The following C16orf46 variants were observed in gnomAD, a reference collection of about 807,000 sequenced individuals.
C16orf46 encodes uncharacterized protein C16orf46.
A neutral mutation model predicts 5.5 loss-of-function variants in C16orf46; 7 were observed. The observed-to-expected ratio is 1.28, with a 90% CI of 0.73 to 2.40. The LOEUF is 2.40. Ranked by LOEUF, C16orf46 falls within the 30% of genes most tolerant of loss-of-function variation. C16orf46 has a pLI of 0.00. For missense variants in C16orf46, 614 were observed against 476.0 expected, an observed-to-expected ratio of 1.29 and a Z score of -2.70; for synonymous variants, 200 against 184.1, an observed-to-expected ratio of 1.09 and a Z score of -0.70.
At chr16:81,053,999 G>T (rs538187954) in exon 4 of C16orf46, 91 of 1,486,512 alleles carry the variant, frequency 6.1e-5, no homozygotes, top group Admixed American at 1.0e-4. Context: ...TGTCCTGGGT[G>T]AAATATTTGC....
At chr16:81,068,407 T>C (rs1971722553) in intron 1 of C16orf46, among the ~76,000 whole-genome samples, 1 of 152,192 alleles carries the variant, frequency 6.6e-6, no homozygotes, top group South Asian at 2.1e-4. Context: ...TATTTACAAA[T>C]AAGTAACACT....
chr16:81,074,148 A>T (rs1971948285), intron 1 of C16orf46, among the ~76,000 whole-genome samples: 1 of 152,172 alleles, frequency 6.6e-6, no homozygotes, highest in African/African-American at 2.4e-5. Flanking sequence ...TCAAATGCAA[A>T]TCTGAAAACA....
Position 81,061,305 on chromosome 16 carries a change from C to T in C16orf46, c.1044G>A (p.Val348=). Residue 348 remains valine, a synonymous_variant, in exon 4 of 4, where the codon GTG becomes GTA. Transcript: ENST00000299578. The part of the protein sequence containing the change: ...KFKAKEPRSP[V]ITRKHVLPKA... The stretch of plus-strand genomic sequence containing the variant: ...TTGGGAGAACATGCTTTCGGGTGAT[C>T]ACAGGAGATCTTGGCTCCTTGGCTT... The T allele has an allele frequency of 6.2e-7, 1 of 1,614,106 alleles. No individual in the cohort carries two copies.
At chr16:81,073,697 G>C (rs140466455) in intron 1 of C16orf46, among the ~76,000 whole-genome samples, 3 of 152,212 alleles carry the variant, frequency 2.0e-5, no homozygotes, top group Non-Finnish European at 2.9e-5. Flanking sequence ...AGAAGTCAGA[G>C]ATACAAAGCA....
chr16:81,068,559 C>T lies in C16orf46; in HGVS notation c.-127-2278G>A, dbSNP rs947981506. Among the ~76,000 whole-genome samples, 23 of 110,514 alleles carry T rather than the reference C, an allele frequency of 2.1e-4. No homozygotes were observed. In the East Asian group the frequency reaches 7.1e-3, roughly 34 times the overall value. The allele number at this position is 110,514 out of a possible 152,430, so 72.5% of individuals were successfully genotyped here. A position where few individuals can be genotyped will look rare whatever the true frequency, so the allele number is the denominator to read the frequency against. ...TGGTACAGAAAGGGCCTTTGTATTT[C>T]TTTGTATTTTTTTTTTTTTTTTTTG... On this transcript the variant is annotated intron_variant, in intron 1 of 3. Coordinates refer to ENST00000299578, the MANE Select transcript of C16orf46 (RefSeq NM_152337.3).
chr16:81,063,701 T>C (rs1457355248), intron 3 of C16orf46, 45 bp downstream of exon 3: 1 of 1,519,288 alleles, frequency 6.6e-7, no homozygotes. Context: ...ACCAAAACAC[T>C]GATGTGCGAG....
rs33943128 is a variant in C16orf46, at chr16:81,068,565, A to ATTTTT, written c.-127-2289_-127-2285dup. The stretch of plus-strand genomic sequence containing the variant: ...AGAAAGGGCCTTTGTATTTCTTTGT[A>ATTTTT]TTTTTTTTTTTTTTTTTTGAGATGG... On this transcript the variant is annotated intron_variant, in intron 1 of 3. Transcript: ENST00000299578. Among the ~76,000 whole-genome samples the ATTTTT allele has an allele frequency of 6.3e-4, 83 of 131,330 alleles. 2 individuals carry two copies. In the East Asian group the frequency reaches 7.5e-3, roughly 12 times the overall value. 86.2% of individuals were successfully genotyped at this position (131,330 alleles called of 152,430 possible). A position where few individuals can be genotyped will look rare whatever the true frequency, so the allele number is the denominator to read the frequency against.
At chr16:81,071,712 C>T (rs999293994) in intron 1 of C16orf46, among the ~76,000 whole-genome samples, 1 of 151,824 alleles carries the variant, frequency 6.6e-6, no homozygotes, top group African/African-American at 2.4e-5. Flanking sequence ...AAGTAAATAA[C>T]CCCAAAAATA....
chr16:81,054,504 C>CCTT (rs80038760), intron 3 of C16orf46, among the ~76,000 whole-genome samples: 145,931 of 151,970 alleles, frequency 0.96, 70,308 homozygotes, highest in Middle Eastern at 1. Flanking sequence ...TTTTTCTGCA[C>CCTT]CTTTTTTGGT....
chr16:81,074,303 A>G (rs1180672491), intron 1 of C16orf46, among the ~76,000 whole-genome samples: 1 of 152,230 alleles, frequency 6.6e-6, no homozygotes, highest in Non-Finnish European at 1.5e-5. Context: ...GTCTGCTTTG[A>G]AATCTGACTC....
chr16:81,068,154 T>A (rs1597147896), intron 1 of C16orf46, among the ~76,000 whole-genome samples: 3 of 152,358 alleles, frequency 2.0e-5, no homozygotes, highest in African/African-American at 7.2e-5. Context: ...GACTATCAAA[T>A]GCTCCTTTGT....
At chr16:81,059,420 A>G (rs2151747332), downstream of C16orf46, among the ~76,000 whole-genome samples, 1 of 151,968 alleles carries the variant, frequency 6.6e-6, no homozygotes, top group Non-Finnish European at 1.5e-5. Flanking sequence ...TATTCTGTCT[A>G]CTCCATCGTT....
chr16:81,074,643 A>C (rs1415945541), intron 1 of C16orf46, among the ~76,000 whole-genome samples: 1 of 152,084 alleles, frequency 6.6e-6, no homozygotes, highest in African/African-American at 2.4e-5. Context: ...TCAGCCTCCC[A>C]AAGTGTTGGG....
At chr16:81,054,146 G>A (rs939453761) in intron 3 of C16orf46, 5 of 1,559,606 alleles carry the variant, frequency 3.2e-6, no homozygotes, top group African/African-American at 1.4e-5. Flanking sequence ...ATGCTGCAAT[G>A]AAAATGTGGC....
rs1597140252 is a variant in C16orf46, at chr16:81,061,742, G to C, written c.607C>G (p.Leu203Val). Reference sequence around the variant, plus strand: ...AGAACTAGGAGGGCCCTGGAAGTCAGGGGGCCTGGGATGGACAGCCCTCTG... The same window carrying C: ...AGAACTAGGAGGGCCCTGGAAGTCACGGGGCCTGGGATGGACAGCCCTCTG... ...AHRGLSIPGP[L>V]TSRALLVLPP... The change falls in exon 4 of 4, where the codon CTG becomes GTG. Residue 203 changes from leucine to valine, a missense_variant. Coordinates refer to ENST00000299578, the MANE Select transcript of C16orf46 (RefSeq NM_152337.3). 6.2e-7 allele frequency: 1 copy of C among 1,613,730 alleles called. No individual in the cohort carries two copies. The highest frequency in any genetic ancestry group is 1.3e-5 in the African/African-American group (1 of 74,938).
chr16:81,061,850 C>T lies in C16orf46; in HGVS notation c.499G>A (p.Glu167Lys). ...CAGTCTTTGTTGCACCAAATAAACT[C>T]CTTGATTTGCAGACTTTTTTTCTCT... is the stretch of plus-strand genomic sequence containing the variant. ...RAEKKSLQIK[E>K]FIWCNKDWAI... Residue 167 changes from glutamate to lysine, a missense_variant, in exon 4 of 4, where the codon GAG becomes AAG. Transcript: ENST00000299578. 6.2e-7 allele frequency: 1 copy of T among 1,614,222 alleles called. No individual in the cohort carries two copies. The highest frequency in any genetic ancestry group is 1.1e-5 in the South Asian group (1 of 91,088).
intron 3 of C16orf46, among the ~76,000 whole-genome samples, chr16:81,054,280 AC>A (rs67631544): frequency 0.67 from 93,560 of 140,122 alleles, 32,514 homozygotes; most frequent in Non-Finnish European, 0.79. Flanking sequence ...AACAACAACA[AC>A]AAAAAAAAAC....
At chr16:81,071,847 G>A (rs191304075) in intron 1 of C16orf46, among the ~76,000 whole-genome samples, 9 of 152,276 alleles carry the variant, frequency 5.9e-5, no homozygotes, top group East Asian at 1.9e-4. Context: ...GGAACGTTCC[G>A]GGATCACTGT....
At chr16:81,072,613 A>C (rs1597152871) in intron 1 of C16orf46, among the ~76,000 whole-genome samples, 1 of 152,014 alleles carries the variant, frequency 6.6e-6, no homozygotes, top group African/African-American at 2.4e-5. Flanking sequence ...CAAATTCCCG[A>C]CCTCAGGTGA....
Sources: allele counts gnomAD v4.1 joint callset (sites outside exome capture counted in the v4.1 genomes callset), GRCh38; gene constraint gnomAD v4.1.1; transcripts MANE v1.5; gene names NCBI Gene and HGNC (gene_info 2026-07-23, HGNC 2026-07-21).